Variants in MAF observed in about 807,000 individuals in gnomAD.
MAF encodes transcription factor Maf.
A neutral mutation model predicts 22.0 loss-of-function variants in MAF; 10 were observed. That is an observed-to-expected ratio of 0.45 (90% CI 0.28 to 0.77). The LOEUF (loss-of-function observed/expected upper bound fraction) is 0.77, where lower values mean the gene tolerates loss of function less well. MAF is among the 30% of genes least tolerant of loss of function. The pLI, the probability that MAF is intolerant of heterozygous loss-of-function variation, is 0.12. For synonymous variants in MAF, 337 were observed against 255.8 expected (o/e 1.32, Z -3.03); for missense variants, 544 against 548.4 (o/e 0.99, Z 0.08).
At chr16:79,333,838 C>T in the MAF span, among the ~76,000 whole-genome samples, 21 of 152,104 alleles carry the variant, frequency 1.4e-4, no homozygotes, top group South Asian at 2.1e-4. Context: ...TCATCACACA[C>T]GGAAACCTAT....
At chr16:79,391,401 C>T in the MAF span, among the ~76,000 whole-genome samples, 144 of 152,192 alleles carry the variant, frequency 9.5e-4, 3 homozygotes, top group African/African-American at 3.3e-3. Flanking sequence ...CAAGCAGAGC[C>T]ACAGATAGGA....
chr16:79,584,016 G>A (rs1421008133), downstream of MAF, among the ~76,000 whole-genome samples: 2 of 152,118 alleles, frequency 1.3e-5, no homozygotes, highest in Non-Finnish European at 1.5e-5. Flanking sequence ...GGATGCTACT[G>A]AAATAGAGAT....
the MAF span, among the ~76,000 whole-genome samples, chr16:79,545,380 T>C: frequency 6.6e-6 from 1 of 152,130 alleles, no homozygotes; most frequent in Admixed American, 6.6e-5. Flanking sequence ...GCAAGGTTCC[T>C]TGTTCAAAAA....
the MAF span, among the ~76,000 whole-genome samples, chr16:79,308,114 G>A: frequency 6.6e-6 from 1 of 152,192 alleles, no homozygotes; most frequent in Non-Finnish European, 1.5e-5. Flanking sequence ...TATCTATGGT[G>A]TCCCTGAAGA....
chr16:79,485,004 T>A, the MAF span, among the ~76,000 whole-genome samples: 25 of 152,198 alleles, frequency 1.6e-4, no homozygotes, highest in African/African-American at 5.1e-4. Context: ...CCTGCCTCAA[T>A]TTATTATCTA....
chr16:79,265,481 C>T, the MAF span, among the ~76,000 whole-genome samples: 27 of 149,102 alleles, frequency 1.8e-4, no homozygotes, highest in African/African-American at 6.0e-4. Context: ...TATCCAAGTA[C>T]GATATGTTCC....
At chr16:79,288,641 T>C in the MAF span, among the ~76,000 whole-genome samples, 29 of 152,326 alleles carry the variant, frequency 1.9e-4, 1 homozygote, top group Middle Eastern at 6.8e-3. Context: ...AATAAGCTTA[T>C]TGACTGAGTA....
chr16:79,269,601 A>C, the MAF span, among the ~76,000 whole-genome samples: 2 of 152,138 alleles, frequency 1.3e-5, no homozygotes, highest in African/African-American at 4.8e-5. Flanking sequence ...CATGGTGAAG[A>C]ATATGGCTGA....
the MAF span, among the ~76,000 whole-genome samples, chr16:79,295,131 G>A: frequency 1.3e-5 from 2 of 152,108 alleles, no homozygotes; most frequent in African/African-American, 4.8e-5. Context: ...TAAGACAAAT[G>A]AAATCACTGG....
At chr16:79,432,243 G>A in the MAF span, among the ~76,000 whole-genome samples, 1 of 152,100 alleles carries the variant, frequency 6.6e-6, no homozygotes, top group Non-Finnish European at 1.5e-5. Context: ...CTGTGAAGAG[G>A]TACCTTCTGC....
At chr16:79,336,285 A>G in the MAF span, among the ~76,000 whole-genome samples, 1 of 152,204 alleles carries the variant, frequency 6.6e-6, no homozygotes, top group Non-Finnish European at 1.5e-5. Context: ...TTCACAACCA[A>G]CGCACAAGGG....
the MAF span, among the ~76,000 whole-genome samples, chr16:79,248,224 A>T: frequency 6.6e-6 from 1 of 152,084 alleles, no homozygotes; most frequent in African/African-American, 2.4e-5. Flanking sequence ...GTTATACATA[A>T]AGAGTTAAGA....
At chr16:79,447,905 A>AAAAAAAAAAAAAAAG in the MAF span, among the ~76,000 whole-genome samples, 644 of 85,760 alleles carry the variant, frequency 7.5e-3, 1 homozygote, top group East Asian at 0.016. Flanking sequence ...AAAAAAAAAA[A>AAAAAAAAAAAAAAAG]AAAAGAAAAG....
chr16:79,532,142 T>A, the MAF span, among the ~76,000 whole-genome samples: 1 of 152,200 alleles, frequency 6.6e-6, no homozygotes, highest in Admixed American at 6.5e-5. Context: ...GAACTGGGCA[T>A]CTTGTGACTT....
the MAF span, among the ~76,000 whole-genome samples, chr16:79,428,787 G>A: frequency 3.9e-5 from 6 of 152,040 alleles, no homozygotes; most frequent in Middle Eastern, 3.2e-3. Flanking sequence ...CGAGGCTGCA[G>A]TGAGCTGAGA....
chr16:79,388,623 A>C, the MAF span, among the ~76,000 whole-genome samples: 2 of 152,188 alleles, frequency 1.3e-5, no homozygotes, highest in African/African-American at 4.8e-5. Context: ...TCTCTTCCCA[A>C]GAAACAATAG....
chr16:79,583,587 G>A (rs1048315120), downstream of MAF, among the ~76,000 whole-genome samples: 1 of 152,188 alleles, frequency 6.6e-6, no homozygotes, highest in Admixed American at 6.5e-5. Flanking sequence ...TTAGACATGA[G>A]CACGCTAAGG....
At chr16:79,521,681 C>A in the MAF span, among the ~76,000 whole-genome samples, 2 of 152,164 alleles carry the variant, frequency 1.3e-5, no homozygotes, top group African/African-American at 2.4e-5. Context: ...AGTGCAAGAA[C>A]CTCCCACTTG....
At chr16:79,576,440 G>C in the MAF span, among the ~76,000 whole-genome samples, 2 of 152,122 alleles carry the variant, frequency 1.3e-5, no homozygotes, top group Admixed American at 6.5e-5. Context: ...CCTCTGAGGC[G>C]GATGATAGCA....
Sources: gnomAD v4.1 joint callset for allele counts (sites outside exome capture counted in the v4.1 genomes callset) on GRCh38, gnomAD v4.1.1 for gene constraint, MANE v1.5 for transcripts, NCBI Gene and HGNC (gene_info 2026-07-23, HGNC 2026-07-21) for gene names.